Variants in EXTL3 observed in about 807,000 individuals in gnomAD.
EXTL3 encodes exostosin like glycosyltransferase 3.
In EXTL3, 27 loss-of-function variants were observed where a neutral mutation model predicts 69.3. That is an observed-to-expected ratio of 0.39 (90% confidence interval 0.29 to 0.54). The LOEUF is 0.54. EXTL3 is among the 20% of genes least tolerant of loss of function. The probability of loss-of-function intolerance (pLI) is 0.69; values close to 1 mark genes in which losing one functional copy is unlikely to be tolerated. For synonymous variants in EXTL3, 511 were observed against 499.4 expected (o/e 1.02, Z -0.31); for missense variants, 1,003 against 1,231.8 (o/e 0.81, Z 2.78).
At chr8:28,612,025 C>G (rs1045189661) in intron 2 of EXTL3, among the ~76,000 whole-genome samples, 23 of 152,218 alleles carry the variant, frequency 1.5e-4, no homozygotes, top group African/African-American at 5.3e-4. Flanking sequence ...ATTCTGATGG[C>G]AGACAGGAAG....
In EXTL3 at chr8:28,752,010, G is replaced by C. The variant is rs139751755; in HGVS notation, c.*1144G>C. The C allele has an allele frequency of 6.6e-6, 1 of 152,312 alleles. No homozygotes were observed. Among genetic ancestry groups the C allele is most frequent in the African/African-American group, 2.4e-5 (1 of 41,444 alleles). 9.4% of individuals were successfully genotyped at this position (152,312 alleles called of 1,614,324 possible). A position where few individuals can be genotyped will look rare whatever the true frequency, so the allele number is the denominator to read the frequency against. On this transcript the variant is annotated 3_prime_UTR_variant, in exon 7 of 7. Transcript: ENST00000220562. ...CCTTGGTGAAATTCACCTTCCCCCC[G>C]CCTCTGTCTGGAGCCCCATCCTGTG...
intron 1 of EXTL3, among the ~76,000 whole-genome samples, chr8:28,630,367 A>G (rs146165783): frequency 8.5e-5 from 13 of 152,130 alleles, no homozygotes; most frequent in African/African-American, 3.1e-4. Flanking sequence ...TTTATAAATT[A>G]CCCAGTCTCG....
rs144833822 is a variant in EXTL3 at position 28,658,990 on chromosome 8, A to G, written c.-53+36180A>G. Among the ~76,000 whole-genome samples the G allele has an allele frequency of 9.2e-4, 140 of 152,286 alleles. 2 individuals are homozygous for G. The East Asian group carries it at 0.025, about 27-fold the overall frequency. On this transcript the variant is annotated intron_variant, in intron 1 of 6. Coordinates refer to the EXTL3 transcript ENST00000523149. Reference sequence around the variant, plus strand: ...TTTGCCTTCTTTCCAATCTTTTGTTATTTTGAGCAATGCTACAGTGAGTAA... The same window carrying G: ...TTTGCCTTCTTTCCAATCTTTTGTTGTTTTGAGCAATGCTACAGTGAGTAA...
rs905789799 is a variant in EXTL3, at chr8:28,664,198, G to C, written c.-53+41388G>C. Among the ~76,000 whole-genome samples the C allele has an allele frequency of 2.0e-5, 3 of 152,164 alleles. No individual in the cohort carries two copies. In the East Asian group the frequency reaches 5.8e-4, roughly 29 times the overall value. ...CACAGCAGGCTGGGTGGCTTCAACAGCCGGCATTTATTTTCTCACCATTCT... is the reference window on the plus strand; with the variant it reads ...CACAGCAGGCTGGGTGGCTTCAACACCCGGCATTTATTTTCTCACCATTCT... On this transcript the variant is annotated intron_variant, in intron 1 of 6. Transcript: ENST00000523149.
At chr8:28,749,415 A>C (rs1467052537) in intron 6 of EXTL3, among the ~76,000 whole-genome samples, 1 of 152,178 alleles carries the variant, frequency 6.6e-6, no homozygotes, top group East Asian at 1.9e-4. Flanking sequence ...ACTTAGGTGA[A>C]AAGAAAAGGA....
chr8:28,743,248 G>T lies in EXTL3; in HGVS notation c.2550+34G>T, dbSNP rs201637637. The T allele has an allele frequency of 3.2e-4, 513 of 1,613,606 alleles. 1 individual carries two copies. The highest frequency in any genetic ancestry group is 2.1e-3 in the Admixed American group (127 of 60,014). Reference sequence around the variant, plus strand: ...CCACCACTGGTGGGGCTGTGGATGCGTGCATGTTTACTTCACTTGTTTTGC... The same window carrying T: ...CCACCACTGGTGGGGCTGTGGATGCTTGCATGTTTACTTCACTTGTTTTGC... On this transcript the variant is annotated intron_variant, in intron 6 of 6. Coordinates refer to ENST00000220562, the MANE Select transcript of EXTL3 (RefSeq NM_001440.4).
intron 4 of EXTL3, among the ~76,000 whole-genome samples, chr8:28,732,437 G>A: frequency 6.6e-6 from 1 of 152,008 alleles, no homozygotes; most frequent in Non-Finnish European, 1.5e-5. Flanking sequence ...TCATTTAAGT[G>A]TACAATTCAG....
chr8:28,641,726 C>T (rs143737420), intron 1 of EXTL3, among the ~76,000 whole-genome samples: 264 of 152,206 alleles, frequency 1.7e-3, no homozygotes, highest in African/African-American at 5.8e-3. Context: ...ACCCCCTCCC[C>T]GACCCCCTCC....
At position 28,612,995 on chromosome 8, in the gene EXTL3, A is replaced by G. The variant is rs988290444; in HGVS notation, n.314+5237A>G. Among the ~76,000 whole-genome samples, 3 of 152,046 alleles carry G rather than the reference A, an allele frequency of 2.0e-5. No homozygotes were observed. The East Asian group carries it at 5.8e-4, about 29-fold the overall frequency. ...TGGCCTCCCAAAATGCTAGGATTAT[A>G]GGTGGGAGTCACCACACCCAGTCTA... On this transcript the variant is annotated intron_variant and non_coding_transcript_variant, in intron 2 of 4. Transcript: ENST00000522725.
intron 1 of EXTL3, among the ~76,000 whole-genome samples, chr8:28,644,994 T>G (rs1015803641): frequency 3.9e-5 from 6 of 152,204 alleles, no homozygotes; most frequent in Non-Finnish European, 5.9e-5. Context: ...CTAGTCTTTC[T>G]CATTTTGGGT....
At chr8:28,618,238 G>A (rs1041319029), upstream of EXTL3, among the ~76,000 whole-genome samples, 37 of 152,006 alleles carry the variant, frequency 2.4e-4, no homozygotes, top group Middle Eastern at 6.8e-3. Context: ...AGGCAGAGGC[G>A]GGTGGGTCCT....
chr8:28,675,126 T>G (rs910788477), intron 1 of EXTL3, among the ~76,000 whole-genome samples: 3 of 152,084 alleles, frequency 2.0e-5, no homozygotes, highest in Non-Finnish European at 4.4e-5. Context: ...GAGTGTGGGA[T>G]AATGGTGGTG....
intron 1 of EXTL3, among the ~76,000 whole-genome samples, chr8:28,630,123 C>T (rs750898446): frequency 2.0e-5 from 3 of 152,092 alleles, no homozygotes; most frequent in Non-Finnish European, 4.4e-5. Context: ...CTCCATGTGT[C>T]GTGGGAGGGA....
chr8:28,713,671 G>A, intron 2 of EXTL3, 121 bp downstream of exon 2: 1 of 631,702 alleles, frequency 1.6e-6, no homozygotes, highest in Non-Finnish European at 2.8e-6. Context: ...TTGAAAGCAA[G>A]AGATTTAAAC....
intron 1 of EXTL3, among the ~76,000 whole-genome samples, chr8:28,641,922 G>T (rs1806749637): frequency 1.3e-5 from 2 of 152,130 alleles, no homozygotes; most frequent in African/African-American, 4.8e-5. Context: ...TGCAAGCTCT[G>T]CCTCCCGGGT....
At chr8:28,756,023 T>C (rs1345789652), downstream of EXTL3, among the ~76,000 whole-genome samples, 1 of 152,222 alleles carries the variant, frequency 6.6e-6, no homozygotes, top group Admixed American at 6.5e-5. Flanking sequence ...GCAACATCAA[T>C]GCATTTCCTT....
At chr8:28,654,394 T>G (rs1806972973) in intron 1 of EXTL3, among the ~76,000 whole-genome samples, 2 of 152,190 alleles carry the variant, frequency 1.3e-5, no homozygotes, top group South Asian at 4.1e-4. Context: ...TTTTGCTTTT[T>G]TAAAGACAGG....
rs757011891 is a variant in EXTL3 at position 28,716,980 on chromosome 8, G to T, written c.921G>T (p.Gln307His). 62 of 1,614,110 alleles carry T rather than the reference G, an allele frequency of 3.8e-5. No homozygotes were observed. Among genetic ancestry groups the T allele is most frequent in the Middle Eastern group, 3.3e-4 (2 of 6,084 alleles). Residue 307 changes from glutamine to histidine, a missense_variant, in exon 3 of 7, where the codon CAG becomes CAT. Gln to His is a conservative substitution (Grantham distance 24). Around this residue, in one of 2 missense-constraint regions of EXTL3, gnomAD observed 742 missense variants for 815.4 expected, o/e 0.91. Transcript: ENST00000220562. The surrounding 1 kb of genome is among the most constrained non-coding windows in gnomAD (Gnocchi z 7.1). ...CCCAGTCCACCTTCTACACTGTCCA[G>T]TACAGACCTGGCTTTGACTTGGTCG... ...MVAQSTFYTV[Q>H]YRPGFDLVVS...
intron 1 of EXTL3, among the ~76,000 whole-genome samples, chr8:28,629,367 T>C (rs930619042): frequency 6.6e-6 from 1 of 152,194 alleles, no homozygotes; most frequent in African/African-American, 2.4e-5. Flanking sequence ...GGTTGCTGGC[T>C]GTCTAGGTAT....
Sources: gnomAD v4.1 joint callset for allele counts (sites outside exome capture counted in the v4.1 genomes callset) on GRCh38, gnomAD v4.1.1 for gene constraint, gnomAD v4.1.1 regional missense constraint, Gnocchi (gnomAD v3.1) non-coding constraint, MANE v1.5 for transcripts, NCBI Gene and HGNC (gene_info 2026-07-23, HGNC 2026-07-21) for gene names.